Variants in SAMD3 observed in about 807,000 individuals in gnomAD.
SAMD3 encodes the protein sterile alpha motif domain containing 3.
SAMD3 carries 63 observed loss-of-function variants against 58.5 expected under a neutral mutation model. That is an observed-to-expected ratio of 1.08 (90% CI 0.88 to 1.33). The LOEUF is 1.33. SAMD3 is among the 40% of genes most tolerant of loss of function. The pLI, the probability that SAMD3 is intolerant of heterozygous loss-of-function variation, is 0.00. For missense variants in SAMD3, 604 were observed against 608.4 expected, an observed-to-expected ratio of 0.99 and a Z score of 0.08; for synonymous variants, 220 against 210.3, an observed-to-expected ratio of 1.05 and a Z score of -0.40.
chr6:130,198,392 A>G (rs1794340981), intron 5 of SAMD3, among the ~76,000 whole-genome samples: 1 of 152,178 alleles, frequency 6.6e-6, no homozygotes, highest in African/African-American at 2.4e-5. Flanking sequence ...TTATTTTTGT[A>G]GAGATGAGGT....
intron 8 of SAMD3, among the ~76,000 whole-genome samples, chr6:130,157,372 T>C (rs1235079831): frequency 6.6e-6 from 1 of 151,314 alleles, no homozygotes; most frequent in Non-Finnish European, 1.5e-5. Flanking sequence ...AAGGTCTCAC[T>C]CTGTCACCCA....
At chr6:130,336,322 A>G (rs1777100045) in intron 1 of SAMD3, among the ~76,000 whole-genome samples, 2 of 152,190 alleles carry the variant, frequency 1.3e-5, no homozygotes, top group African/African-American at 4.8e-5. Flanking sequence ...AGGGTCACAC[A>G]GTGGCAGAGC....
intron 2 of SAMD3, among the ~76,000 whole-genome samples, chr6:130,288,761 G>C (rs545616440): frequency 6.6e-6 from 1 of 152,348 alleles, no homozygotes; most frequent in African/African-American, 2.4e-5. Context: ...AATTTACTTA[G>C]GTGAGTGGGA....
chr6:130,295,530 T>C (rs1775541850), intron 2 of SAMD3, among the ~76,000 whole-genome samples: 1 of 152,214 alleles, frequency 6.6e-6, no homozygotes. Context: ...TGACTGTTTG[T>C]AACTTACTCT....
At chr6:130,251,948 CT>C (rs111321647) in intron 2 of SAMD3, among the ~76,000 whole-genome samples, 22 of 147,264 alleles carry the variant, frequency 1.5e-4, no homozygotes, top group East Asian at 3.9e-4. Context: ...TTTAAGTCCT[CT>C]TTTTTTTTTA....
chr6:130,288,017 A>G (rs150719169), intron 2 of SAMD3, among the ~76,000 whole-genome samples: 68 of 152,134 alleles, frequency 4.5e-4, no homozygotes, highest in Non-Finnish European at 6.8e-4. Flanking sequence ...ACAAGCTTCC[A>G]GCTATAAGCA....
rs181104112 is a variant in SAMD3 at position 130,150,834 on chromosome 6, C to T, written c.1023+3991G>A. 1.6e-3 allele frequency among the ~76,000 whole-genome samples: 239 copies of T among 152,012 alleles called. 1 individual carries two copies. Among genetic ancestry groups the T allele is most frequent in the African/African-American group, 5.4e-3 (224 of 41,458 alleles). The stretch of plus-strand genomic sequence containing the variant: ...TCAAGCCATTCTCCTGCCTCAGCCT[C>T]CTGAGTAGCTGGGATTACAGGTGTG... On this transcript the variant is annotated intron_variant, in intron 9 of 11. Coordinates refer to ENST00000439090, the MANE Select transcript of SAMD3 (RefSeq NM_001017373.4).
At chr6:130,353,412 A>G (rs1352131023) in intron 1 of SAMD3, among the ~76,000 whole-genome samples, 1 of 152,198 alleles carries the variant, frequency 6.6e-6, no homozygotes, top group Admixed American at 6.5e-5. Flanking sequence ...TTATTTATTT[A>G]GGTTATTAAT....
intron 2 of SAMD3, among the ~76,000 whole-genome samples, chr6:130,252,898 T>C (rs1488985393): frequency 2.6e-5 from 4 of 152,194 alleles, no homozygotes; most frequent in Non-Finnish European, 4.4e-5. Context: ...TCTTTGCTTT[T>C]TGGTAGGTTT....
At chr6:130,315,612 A>G (rs1249762464) in intron 1 of SAMD3, among the ~76,000 whole-genome samples, 1 of 152,166 alleles carries the variant, frequency 6.6e-6, no homozygotes, top group Non-Finnish European at 1.5e-5. Context: ...AACTGATAAT[A>G]TCCATAAAAG....
At chr6:130,291,858 A>G (rs1270368869) in intron 2 of SAMD3, among the ~76,000 whole-genome samples, 1 of 152,192 alleles carries the variant, frequency 6.6e-6, no homozygotes, top group Non-Finnish European at 1.5e-5. Context: ...CAATTTCGTT[A>G]GAGTCACAGT....
intron 6 of SAMD3, 90 bp downstream of exon 6, chr6:130,184,348 A>G: frequency 7.6e-7 from 1 of 1,323,692 alleles, no homozygotes; most frequent in Non-Finnish European, 1.0e-6. Context: ...TATCATCCAC[A>G]ATCTGAAGAG....
rs267600802 is a variant in SAMD3, at chr6:130,209,536, G to C, written c.342C>G (p.Asn114Lys). 5 of 1,613,592 alleles carry C rather than the reference G, an allele frequency of 3.1e-6. No individual in the cohort carries two copies. The highest frequency in any genetic ancestry group is 3.3e-4 in the Middle Eastern group (2 of 6,082). ...TTTGGTCAATTAGTCCATTATCAAG[G>C]TTTTCAGCTGGATAGAAAGATGGCA... ...EQMPSFYPAE[N>K]LDNGLIDQRV... The change falls in exon 5 of 12, where the codon AAC (asparagine) becomes AAG (lysine). Residue 114 changes from asparagine (N) to lysine (K), a missense_variant. Transcript: ENST00000439090.
chr6:130,178,643 C>T (rs1791968562), intron 7 of SAMD3, among the ~76,000 whole-genome samples: 1 of 152,166 alleles, frequency 6.6e-6, no homozygotes, highest in Non-Finnish European at 1.5e-5. Context: ...ACTGCAGGTC[C>T]AAGTACTAGT....
At chr6:130,333,044 CGTGTGTGTGTGTGTGTGT>C (rs10529435) in intron 1 of SAMD3, among the ~76,000 whole-genome samples, 17 of 143,608 alleles carry the variant, frequency 1.2e-4, no homozygotes, top group Admixed American at 5.6e-4. Context: ...GTTGAGTATG[CGTGTGTGTGTGTGTGTGT>C]GTGTGTGTGT....
At chr6:130,186,916 G>T (rs888493933) in intron 5 of SAMD3, among the ~76,000 whole-genome samples, 1 of 151,794 alleles carries the variant, frequency 6.6e-6, no homozygotes, top group Non-Finnish European at 1.5e-5. Flanking sequence ...GACTACAGGC[G>T]CATGCCACCG....
At chr6:130,190,118 A>G (rs1414722662) in intron 5 of SAMD3, among the ~76,000 whole-genome samples, 1 of 146,908 alleles carries the variant, frequency 6.8e-6, no homozygotes, top group East Asian at 1.9e-4. Context: ...ATCCTGAACT[A>G]CACATGTGCA....
chr6:130,284,856 T>C (rs1294431497), intron 2 of SAMD3, among the ~76,000 whole-genome samples: 1 of 152,050 alleles, frequency 6.6e-6, no homozygotes, highest in East Asian at 1.9e-4. Flanking sequence ...CAACAACATA[T>C]ATAGAGAACA....
intron 5 of SAMD3, among the ~76,000 whole-genome samples, chr6:130,187,092 G>T (rs531588309): frequency 1.3e-5 from 2 of 152,030 alleles, no homozygotes; most frequent in African/African-American, 2.4e-5. Flanking sequence ...TTTTAAAAGC[G>T]ATGTAACTTG....
Sources: allele counts gnomAD v4.1 joint callset (sites outside exome capture counted in the v4.1 genomes callset), GRCh38; gene constraint gnomAD v4.1.1; transcripts MANE v1.5; gene names NCBI Gene and HGNC (gene_info 2026-07-23, HGNC 2026-07-21).